The following EGFR variants were observed in gnomAD, a reference collection of about 807,000 sequenced individuals.
EGFR encodes epidermal growth factor receptor, also known as avian erythroblastic leukemia viral (v-erb-b) oncogene homolog.
Under a neutral mutation model 143.0 loss-of-function variants are expected in EGFR, and 58 were observed. That is an observed-to-expected ratio of 0.41 (90% CI 0.33 to 0.50). The LOEUF (loss-of-function observed/expected upper bound fraction) is 0.50, where lower values mean the gene tolerates loss of function less well. Among genes scored for constraint, EGFR ranks in the 20% least tolerant of loss-of-function variants. The pLI is 0.39. For missense variants in EGFR, 1,307 were observed against 1,579.0 expected (o/e 0.83, Z 2.92); for synonymous variants, 613 against 594.4 (o/e 1.03, Z -0.45).
chr7:55,102,579 T>C (rs757276480), intron 1 of EGFR, among the ~76,000 whole-genome samples: 1 of 152,222 alleles, frequency 6.6e-6, no homozygotes, highest in Non-Finnish European at 1.5e-5. Flanking sequence ...CAAAACAATG[T>C]AACAATTTTT....
intron 1 of EGFR, among the ~76,000 whole-genome samples, chr7:55,080,836 A>G (rs1790424844): frequency 1.3e-5 from 2 of 152,322 alleles, no homozygotes; most frequent in South Asian, 2.1e-4. Flanking sequence ...TTTAAAAATA[A>G]GATAAAATAA....
At chr7:55,131,847 T>A (rs1296795266) in intron 1 of EGFR, among the ~76,000 whole-genome samples, 1 of 151,412 alleles carries the variant, frequency 6.6e-6, no homozygotes, top group East Asian at 1.9e-4. Context: ...CTAACAGCTG[T>A]CATGGAACAG....
chr7:55,034,207 T>C (rs1420700698), intron 1 of EGFR, among the ~76,000 whole-genome samples: 1 of 152,180 alleles, frequency 6.6e-6, no homozygotes, highest in African/African-American at 2.4e-5. Context: ...GTATTCCCCC[T>C]CTGCATTATT....
intron 19 of EGFR, among the ~76,000 whole-genome samples, chr7:55,175,282 T>C (rs1191118746): frequency 6.6e-6 from 1 of 152,246 alleles, no homozygotes; most frequent in Non-Finnish European, 1.5e-5. Flanking sequence ...ATGGCTTTTT[T>C]TAAAGGTGCC....
intron 1 of EGFR, among the ~76,000 whole-genome samples, chr7:55,020,161 C>G (rs1320376737): frequency 1.3e-5 from 2 of 152,232 alleles, no homozygotes; most frequent in South Asian, 2.1e-4. Context: ...GCGCAGACCC[C>G]GGCCGCTCGC....
chr7:55,104,773 T>C (rs1313718448), intron 1 of EGFR, among the ~76,000 whole-genome samples: 1 of 152,216 alleles, frequency 6.6e-6, no homozygotes, highest in Non-Finnish European at 1.5e-5. Context: ...ACTCTTTTCA[T>C]CCAAAAATTC....
At chr7:55,024,601 T>C (rs987423614) in intron 1 of EGFR, among the ~76,000 whole-genome samples, 6 of 152,224 alleles carry the variant, frequency 3.9e-5, no homozygotes, top group African/African-American at 1.4e-4. Flanking sequence ...GGCCCTGACT[T>C]AGTTTAAATA....
intron 1 of EGFR, among the ~76,000 whole-genome samples, chr7:55,134,589 C>T (rs542322465): frequency 6.6e-6 from 1 of 152,230 alleles, no homozygotes; most frequent in South Asian, 2.1e-4. Flanking sequence ...CATAACAGAT[C>T]AACGGGTATT....
chr7:55,122,805 C>T (rs1793288364), intron 1 of EGFR, among the ~76,000 whole-genome samples: 1 of 152,240 alleles, frequency 6.6e-6, no homozygotes, highest in African/African-American at 2.4e-5. Flanking sequence ...ACTTCTTTTC[C>T]AGCATGTCTC....
At chr7:55,023,743 A>AGTCT (rs1786719290) in intron 1 of EGFR, among the ~76,000 whole-genome samples, 2 of 151,954 alleles carry the variant, frequency 1.3e-5, no homozygotes, top group African/African-American at 4.8e-5. Flanking sequence ...TTATGGTAAT[A>AGTCT]AACATTGTTA....
At chr7:55,076,473 A>T (rs1343575110) in intron 1 of EGFR, among the ~76,000 whole-genome samples, 1 of 152,176 alleles carries the variant, frequency 6.6e-6, no homozygotes, top group East Asian at 1.9e-4. Context: ...TTTTTAGGAC[A>T]CTCTGTGGCC....
intron 3 of EGFR, 142 bp from the exon 4 acceptor site, chr7:55,146,464 A>C: frequency 7.6e-7 from 1 of 1,314,360 alleles, no homozygotes; most frequent in Admixed American, 2.0e-5. Context: ...GCCCCCCGGG[A>C]AGTTCACTGG....
chr7:55,201,063 A>T (rs2128971224), intron 24 of EGFR, 125 bp from the exon 25 acceptor site: 1 of 1,190,488 alleles, frequency 8.4e-7, no homozygotes, highest in Non-Finnish European at 1.2e-6. Flanking sequence ...ACCAAGGGGG[A>T]TTTCATTATA....
intron 3 of EGFR, 147 bp downstream of exon 3, chr7:55,143,635 G>A (rs1794594606): frequency 1.1e-6 from 1 of 872,768 alleles, no homozygotes; most frequent in Non-Finnish European, 1.8e-6. Context: ...CTGTGTGTAA[G>A]ATACTGCAGG....
intron 15 of EGFR, 174 bp from the exon 16 acceptor site, chr7:55,171,001 G>T: frequency 2.0e-6 from 3 of 1,469,058 alleles, no homozygotes; most frequent in Non-Finnish European, 2.7e-6. Context: ...ATGAACAAAT[G>T]AATAAATGCA....
chr7:55,137,061 A>G (rs1367571904), intron 1 of EGFR, among the ~76,000 whole-genome samples: 12 of 152,208 alleles, frequency 7.9e-5, no homozygotes, highest in Admixed American at 7.9e-4. Context: ...ATAAGTAGTG[A>G]TCACTGCCAG....
intron 14 of EGFR, 105 bp from the exon 15 acceptor site, chr7:55,165,175 C>T (rs1263036750): frequency 6.5e-7 from 1 of 1,529,404 alleles, no homozygotes; most frequent in African/African-American, 1.4e-5. Context: ...TATCATTTGG[C>T]TTTCCCCACT....
In EGFR at chr7:55,209,476, C is replaced by T. The variant is rs927839725; in HGVS notation, c.*3859C>T. On this transcript the variant is annotated 3_prime_UTR_variant, in exon 28 of 28. Transcript: ENST00000275493. ...CATTCTCTAAGTAAGTTATAGAAACCAGTCTCTTCCCTCCTTTGTGAGTGA... is the reference window on the plus strand; with the variant it reads ...CATTCTCTAAGTAAGTTATAGAAACTAGTCTCTTCCCTCCTTTGTGAGTGA... 6.6e-6 allele frequency: 1 copy of T among 152,236 alleles called. No individual in the cohort carries two copies. The highest frequency in any genetic ancestry group is 1.5e-5 in the Non-Finnish European group (1 of 68,044). The allele number at this position is 152,236 out of a possible 1,614,324, so 9.4% of individuals were successfully genotyped here.
intron 15 of EGFR, among the ~76,000 whole-genome samples, chr7:55,168,296 G>A (rs189649077): frequency 2.0e-5 from 3 of 152,154 alleles, no homozygotes; most frequent in African/African-American, 4.8e-5. Context: ...TGGAATAGAT[G>A]TGCATCAGTA....
Sources: allele counts gnomAD v4.1 joint callset (sites outside exome capture counted in the v4.1 genomes callset), GRCh38; gene constraint gnomAD v4.1.1; transcripts MANE v1.5; gene names NCBI Gene and HGNC (gene_info 2026-07-23, HGNC 2026-07-21).